Variants in NBEA observed in about 807,000 individuals in gnomAD.
The protein encoded by NBEA is lysosomal-trafficking regulator 2.
NBEA carries 44 observed loss-of-function variants against 343.4 expected under a neutral mutation model. The ratio of observed to expected loss-of-function variants is 0.13; its 90% CI spans 0.10 to 0.16. The LOEUF is 0.16. Ranked by LOEUF, NBEA falls within the 10% of genes least tolerant of loss-of-function variation. The probability of loss-of-function intolerance (pLI) is 1.00; values close to 1 mark genes in which losing one functional copy is unlikely to be tolerated. For missense variants in NBEA, 2,555 were observed against 3,631.3 expected, an observed-to-expected ratio of 0.70 and a Z score of 7.62; for synonymous variants, 1,175 against 1,238.7, an observed-to-expected ratio of 0.95 and a Z score of 1.08.
chr13:35,456,781 T>A (rs968126722), intron 40 of NBEA, among the ~76,000 whole-genome samples: 1 of 152,004 alleles, frequency 6.6e-6, no homozygotes, highest in Non-Finnish European at 1.5e-5. Flanking sequence ...AATAGAAATA[T>A]TTTACATAGT....
intron 10 of NBEA, among the ~76,000 whole-genome samples, chr13:35,083,031 C>T (rs994769232): frequency 1.3e-5 from 2 of 152,126 alleles, no homozygotes; most frequent in Admixed American, 1.3e-4. Flanking sequence ...AGGTTTTCTT[C>T]TAGGGTTTTT....
chr13:35,610,621 GA>G (rs1172066961), intron 48 of NBEA, among the ~76,000 whole-genome samples: 1 of 152,098 alleles, frequency 6.6e-6, no homozygotes, highest in Non-Finnish European at 1.5e-5. Flanking sequence ...CATATAGGAG[GA>G]AATCTTTGTG....
intron 38 of NBEA, among the ~76,000 whole-genome samples, chr13:35,423,967 G>C (rs910255932): frequency 6.6e-6 from 1 of 152,096 alleles, no homozygotes; most frequent in African/African-American, 2.4e-5. Flanking sequence ...TTATTGGTGT[G>C]TAAGAATGCT....
chr13:35,322,087 C>T (rs1302634213), intron 36 of NBEA, among the ~76,000 whole-genome samples: 1 of 152,062 alleles, frequency 6.6e-6, no homozygotes, highest in Non-Finnish European at 1.5e-5. Flanking sequence ...GCTTCAGCCC[C>T]CTTTGCAGGG....
intron 1 of NBEA, among the ~76,000 whole-genome samples, chr13:35,006,841 C>T (rs1182509050): frequency 1.3e-5 from 2 of 152,224 alleles, no homozygotes; most frequent in African/African-American, 4.8e-5. Flanking sequence ...CAACCTCCAC[C>T]TCCTGGATTC....
chr13:35,267,207 G>T (rs552897958), intron 34 of NBEA, among the ~76,000 whole-genome samples: 1 of 151,848 alleles, frequency 6.6e-6, no homozygotes, highest in Non-Finnish European at 1.5e-5. Context: ...TCAAAGCTGT[G>T]TCTTTCAAGG....
intron 48 of NBEA, among the ~76,000 whole-genome samples, chr13:35,611,204 A>G (rs1395536088): frequency 6.6e-6 from 1 of 152,192 alleles, no homozygotes; most frequent in Non-Finnish European, 1.5e-5. Context: ...CCCCCCAAAA[A>G]TGAAAACTTA....
In NBEA at chr13:35,550,506, A is replaced by C. The variant is rs980053915; in HGVS notation, c.6615A>C (p.Gly2205=). ...TTGCATACACTGAGGGACTTCACGG[A>C]AAATGGATGTTCAGCGAGATACGAG... ...KVLAYTEGLH[G]KWMFSEIRAV... is the part of the protein sequence containing the mutation. Residue 2205 remains glycine, a synonymous_variant, in exon 42 of 59, where the codon GGA becomes GGC. Coordinates refer to ENST00000379939, the MANE Select transcript of NBEA (RefSeq NM_001385012.1). The C allele has an allele frequency of 1.9e-6, 3 of 1,612,896 alleles. No individual in the cohort carries two copies. Among genetic ancestry groups the C allele is most frequent in the Non-Finnish European group, 2.5e-6 (3 of 1,179,108 alleles).
intron 48 of NBEA, among the ~76,000 whole-genome samples, chr13:35,616,541 C>A (rs1249705686): frequency 6.6e-6 from 1 of 152,128 alleles, no homozygotes; most frequent in African/African-American, 2.4e-5. Flanking sequence ...AAACCTGATT[C>A]TCACCAGATG....
chr13:35,301,718 T>G (rs2036561075), intron 35 of NBEA, among the ~76,000 whole-genome samples: 1 of 152,182 alleles, frequency 6.6e-6, no homozygotes, highest in Non-Finnish European at 1.5e-5. Flanking sequence ...ATGGGATTAC[T>G]GGGTCAAATG....
At chr13:35,522,888 C>T (rs553366846) in intron 41 of NBEA, among the ~76,000 whole-genome samples, 12 of 149,986 alleles carry the variant, frequency 8.0e-5, no homozygotes, top group African/African-American at 2.2e-4. Context: ...TTCCGTGGAA[C>T]GGGTTCCTGG....
chr13:35,546,135 A>G (rs546592757), intron 41 of NBEA, among the ~76,000 whole-genome samples: 15 of 152,334 alleles, frequency 9.8e-5, no homozygotes, highest in African/African-American at 1.7e-4. Context: ...TGAGAGTTCT[A>G]TTCTCCTATT....
chr13:34,960,573 A>T (rs896643654), intron 1 of NBEA, among the ~76,000 whole-genome samples: 1 of 152,072 alleles, frequency 6.6e-6, no homozygotes, highest in Non-Finnish European at 1.5e-5. Flanking sequence ...AGTGTTCTCT[A>T]CAGGTGTACC....
chr13:35,633,240 C>G lies in NBEA; in HGVS notation c.7617+4992C>G, dbSNP rs191676189. ...GCCTCAGCCTCCCAAGTAGCTGGGA[C>G]TACAGGCGCCTGCTGCCACGCCCGG... On this transcript the variant is annotated intron_variant, in intron 49 of 58. Transcript: ENST00000379939. Among the ~76,000 whole-genome samples, 289 of 151,378 alleles carry G rather than the reference C, an allele frequency of 1.9e-3. 3 individuals carry two copies. The highest frequency in any genetic ancestry group is 5.5e-3 in the African/African-American group (226 of 41,362).
At chr13:35,144,490 T>C (rs1370969233) in intron 18 of NBEA, among the ~76,000 whole-genome samples, 1 of 152,174 alleles carries the variant, frequency 6.6e-6, no homozygotes, top group African/African-American at 2.4e-5. Flanking sequence ...TCATCCTGGC[T>C]TTTCAGGGTC....
At chr13:35,342,874 A>T (rs1457588423) in intron 36 of NBEA, among the ~76,000 whole-genome samples, 7 of 151,964 alleles carry the variant, frequency 4.6e-5, no homozygotes, top group Admixed American at 3.9e-4. Flanking sequence ...ACTGGGACCA[A>T]TGGAAGATTT....
At chr13:35,477,962 G>A (rs556060324) in intron 41 of NBEA, among the ~76,000 whole-genome samples, 5 of 152,174 alleles carry the variant, frequency 3.3e-5, no homozygotes, top group Admixed American at 2.6e-4. Flanking sequence ...TAGTGGTTAC[G>A]TTGTGGTTTT....
At chr13:35,440,222 A>G (rs2045662288) in intron 39 of NBEA, among the ~76,000 whole-genome samples, 1 of 152,156 alleles carries the variant, frequency 6.6e-6, no homozygotes, top group Non-Finnish European at 1.5e-5. Context: ...GATTTTAACC[A>G]CACCATTCAT....
At chr13:35,056,368 A>T (rs749293631) in intron 7 of NBEA, among the ~76,000 whole-genome samples, 4 of 152,178 alleles carry the variant, frequency 2.6e-5, no homozygotes, top group African/African-American at 4.8e-5. Flanking sequence ...ATCAAAAACC[A>T]TGAATCCTGT....
Sources: gnomAD v4.1 joint callset for allele counts (sites outside exome capture counted in the v4.1 genomes callset) on GRCh38, gnomAD v4.1.1 for gene constraint, MANE v1.5 for transcripts, NCBI Gene and HGNC (gene_info 2026-07-23, HGNC 2026-07-21) for gene names.